TMEM131L: variants seen among roughly 807,000 people sequenced by gnomAD.
TMEM131L encodes transmembrane protein 131-like.
TMEM131L carries 54 observed loss-of-function variants against 192.2 expected under a neutral mutation model. The ratio of observed to expected loss-of-function variants is 0.28; its 90% CI spans 0.23 to 0.35. TMEM131L has a LOEUF of 0.35. TMEM131L is among the 10% of genes least tolerant of loss of function. The pLI is 1.00. For missense variants in TMEM131L, 1,888 were observed against 1,972.9 expected (o/e 0.96, Z 0.82); for synonymous variants, 701 against 704.9 (o/e 0.99, Z 0.09).
chr4:153,596,506 G>T, intron 20 of TMEM131L, 121 bp downstream of exon 20: 1 of 1,245,138 alleles, frequency 8.0e-7, no homozygotes, highest in South Asian at 1.4e-5. Context: ...CTGTGTTGCG[G>T]GGTAGGAAGA....
intron 3 of TMEM131L, among the ~76,000 whole-genome samples, chr4:153,530,241 TA>T (rs1390136725): frequency 6.6e-6 from 1 of 152,214 alleles, no homozygotes; most frequent in Non-Finnish European, 1.5e-5. Context: ...GTGGCATTAG[TA>T]TACTTAAACT....
At chr4:153,574,851 G>A (rs921587455) in intron 7 of TMEM131L, among the ~76,000 whole-genome samples, 9 of 152,312 alleles carry the variant, frequency 5.9e-5, no homozygotes, top group African/African-American at 2.2e-4. Flanking sequence ...GCCTCCCAAA[G>A]TGCCGAGATT....
intron 3 of TMEM131L, among the ~76,000 whole-genome samples, chr4:153,476,266 A>G (rs1321957950): frequency 6.6e-6 from 1 of 152,176 alleles, no homozygotes; most frequent in East Asian, 1.9e-4. Flanking sequence ...GCCTGAATTG[A>G]TAACTTAATT....
intron 3 of TMEM131L, among the ~76,000 whole-genome samples, chr4:153,519,455 T>G (rs535151656): frequency 5.3e-5 from 8 of 152,330 alleles, no homozygotes; most frequent in African/African-American, 1.9e-4. Flanking sequence ...ATTAACACCA[T>G]AAGTGTGTTA....
At chr4:153,599,049 G>A (rs943227526) in intron 21 of TMEM131L, among the ~76,000 whole-genome samples, 7 of 137,556 alleles carry the variant, frequency 5.1e-5, no homozygotes, top group Non-Finnish European at 1.2e-4. Context: ...GGTAATTTAT[G>A]AACAAGAGTT....
chr4:153,587,924 C>A, intron 15 of TMEM131L, 113 bp downstream of exon 15: 1 of 787,150 alleles, frequency 1.3e-6, no homozygotes, highest in East Asian at 2.5e-5. Flanking sequence ...GCATCATATT[C>A]TATAGAGAGG....
intron 31 of TMEM131L, 96 bp from the exon 32 acceptor site, chr4:153,632,622 T>G (rs1018971988): frequency 5.7e-6 from 8 of 1,413,178 alleles, no homozygotes; most frequent in Non-Finnish European, 7.9e-6. Flanking sequence ...TGGGTGACAT[T>G]AGGGAGTGTT....
chr4:153,538,572 G>A (rs1171459321), intron 3 of TMEM131L, among the ~76,000 whole-genome samples: 1 of 152,208 alleles, frequency 6.6e-6, no homozygotes, highest in Non-Finnish European at 1.5e-5. Flanking sequence ...TTATTGGGAT[G>A]CTCTGCTTCT....
chr4:153,583,267 C>T lies in TMEM131L; in HGVS notation c.951+19C>T. ...GATACAGGTAATTGTAAATGCTTAC[C>T]TAAAGTAACTTTTAAAATTGCAAGT... On this transcript the variant is annotated intron_variant, in intron 10 of 34. Transcript: ENST00000409959. The T allele has an allele frequency of 8.1e-7, 1 of 1,237,708 alleles. No individual in the cohort carries two copies. The allele number at this position is 1,237,708 out of a possible 1,614,324, so 76.7% of individuals were successfully genotyped here.
In TMEM131L at chr4:153,585,479, T is replaced by C. The variant is rs1387533103; in HGVS notation, c.1179T>C (p.Ser393=). Residue 393 remains serine, a synonymous_variant, in exon 13 of 35, where the codon TCT becomes TCC. Transcript: ENST00000409959. ...VAQGYFRMDS[S]ATQFHIETHE... ...ACAGGTATTTTAGAATGGACTCTTC[T>C]GCAACCCAGTTTCACATAGAGACTC... 3 of 1,614,036 alleles carry C rather than the reference T, an allele frequency of 1.9e-6. No homozygotes were observed. The highest frequency in any genetic ancestry group is 2.5e-6 in the Non-Finnish European group (3 of 1,180,014).
intron 3 of TMEM131L, among the ~76,000 whole-genome samples, chr4:153,481,579 A>G (rs1230787197): frequency 6.6e-6 from 1 of 152,176 alleles, no homozygotes; most frequent in Non-Finnish European, 1.5e-5. Flanking sequence ...TCTGTCACCT[A>G]GGCTTTAGTG....
chr4:153,573,633 G>A (rs1419984935), intron 7 of TMEM131L, among the ~76,000 whole-genome samples: 1 of 152,220 alleles, frequency 6.6e-6, no homozygotes, highest in Non-Finnish European at 1.5e-5. Context: ...AGATAGTACA[G>A]GGGTTATCTT....
At chr4:153,480,559 C>T (rs889995354) in intron 3 of TMEM131L, among the ~76,000 whole-genome samples, 1 of 151,586 alleles carries the variant, frequency 6.6e-6, no homozygotes, top group African/African-American at 2.4e-5. Flanking sequence ...AGTTCCTTCC[C>T]TGTTTATAGG....
chr4:153,473,367 A>G (rs1731289358), intron 2 of TMEM131L, among the ~76,000 whole-genome samples: 1 of 152,222 alleles, frequency 6.6e-6, no homozygotes, highest in Non-Finnish European at 1.5e-5. Flanking sequence ...GTCTTCTAAT[A>G]CAGCCGGGGC....
chr4:153,517,082 C>T (rs535779040), intron 3 of TMEM131L, among the ~76,000 whole-genome samples: 1 of 152,336 alleles, frequency 6.6e-6, no homozygotes, highest in South Asian at 2.1e-4. Flanking sequence ...ACCTCGGCCT[C>T]CCGGAGTGCT....
chr4:153,623,265 T>C (rs1271019770), intron 29 of TMEM131L, among the ~76,000 whole-genome samples, 182 bp downstream of exon 29: 1 of 152,100 alleles, frequency 6.6e-6, no homozygotes, highest in Admixed American at 6.5e-5. Context: ...TTCCCCTCCA[T>C]CCTTGTCATA....
intron 2 of TMEM131L, among the ~76,000 whole-genome samples, chr4:153,468,268 C>A (rs1209475158): frequency 6.6e-6 from 1 of 152,136 alleles, no homozygotes; most frequent in Non-Finnish European, 1.5e-5. Flanking sequence ...TCATTTTGAT[C>A]AGGGCTAATG....
chr4:153,500,574 G>C (rs1733531231), intron 3 of TMEM131L, among the ~76,000 whole-genome samples: 1 of 152,102 alleles, frequency 6.6e-6, no homozygotes, highest in African/African-American at 2.4e-5. Context: ...TTTCTACTTG[G>C]ATCGTGTTAT....
intron 3 of TMEM131L, among the ~76,000 whole-genome samples, chr4:153,536,108 A>T (rs1318159124): frequency 6.6e-6 from 1 of 151,990 alleles, no homozygotes; most frequent in Non-Finnish European, 1.5e-5. Context: ...TTGTCTGGGG[A>T]TGGAGAATGC....
Sources: gnomAD v4.1 joint callset for allele counts (sites outside exome capture counted in the v4.1 genomes callset) on GRCh38, gnomAD v4.1.1 for gene constraint, MANE v1.5 for transcripts, NCBI Gene and HGNC (gene_info 2026-07-23, HGNC 2026-07-21) for gene names.